The following TRMT44 variants were observed in gnomAD, a reference collection of about 807,000 sequenced individuals.
The protein encoded by TRMT44 is tRNA methyltransferase 44 homolog.
TRMT44 carries 78 observed loss-of-function variants against 77.3 expected under a neutral mutation model. The ratio of observed to expected loss-of-function variants is 1.01; its 90% confidence interval spans 0.84 to 1.22. TRMT44 has a LOEUF of 1.22. Ranked by LOEUF, TRMT44 falls within the 50% of genes most tolerant of loss-of-function variation. The pLI is 0.00. For missense variants in TRMT44, 1,090 were observed against 964.4 expected (o/e 1.13, Z -1.73); for synonymous variants, 391 against 383.3 (o/e 1.02, Z -0.23).
At chr4:8,442,448 G>T (rs1057140009) in intron 1 of TRMT44, among the ~76,000 whole-genome samples, 2 of 152,196 alleles carry the variant, frequency 1.3e-5, no homozygotes, top group African/African-American at 4.8e-5. Context: ...ACTTTATTCA[G>T]CAGCATGTGT....
intron 2 of TRMT44, among the ~76,000 whole-genome samples, chr4:8,486,789 A>G (rs952755671): frequency 3.3e-5 from 5 of 152,172 alleles, no homozygotes; most frequent in Non-Finnish European, 7.3e-5. Flanking sequence ...CTACTCACGG[A>G]ATGAAACTGT....
At chr4:8,458,919 C>T (rs1725980309) in intron 6 of TRMT44, among the ~76,000 whole-genome samples, 1 of 151,928 alleles carries the variant, frequency 6.6e-6, no homozygotes, top group Non-Finnish European at 1.5e-5. Context: ...TATACATGGG[C>T]CAGGTACAGT....
chr4:8,470,748 C>T (rs2109177731), intron 9 of TRMT44, among the ~76,000 whole-genome samples: 1 of 152,300 alleles, frequency 6.6e-6, no homozygotes, highest in South Asian at 2.1e-4. Flanking sequence ...AACCCTGGCT[C>T]CAAACAGCCA....
chr4:8,475,133 C>T lies in TRMT44; in HGVS notation c.2045-639C>T, dbSNP rs150559358. On this transcript the variant is annotated intron_variant, in intron 10 of 10. Transcript: ENST00000389737. Reference sequence around the variant, plus strand: ...GGAGGCGCATGTAAACCCAGTGCACCGGGACGGCACCAAGGAGCAGAGGCT... The same window carrying T: ...GGAGGCGCATGTAAACCCAGTGCACTGGGACGGCACCAAGGAGCAGAGGCT... 2.6e-3 allele frequency among the ~76,000 whole-genome samples: 394 copies of T among 152,326 alleles called. 2 individuals are homozygous for T. The highest frequency in any genetic ancestry group is 2.5e-3 in the East Asian group (13 of 5,172).
intron 2 of TRMT44, among the ~76,000 whole-genome samples, chr4:8,491,959 C>T (rs146577894): frequency 0.038 from 5,741 of 152,348 alleles, 125 homozygotes; most frequent in Non-Finnish European, 0.053. Context: ...ACTGCCAGCA[C>T]GCTGTCACCT....
intron 2 of TRMT44, among the ~76,000 whole-genome samples, chr4:8,492,565 C>G (rs4325994): frequency 0.65 from 99,118 of 152,084 alleles, 33,104 homozygotes; most frequent in African/African-American, 0.81. Flanking sequence ...AAATCACTAA[C>G]CCAAAGCAGA....
At chr4:8,472,674 T>TG (rs1476740156) in intron 10 of TRMT44, among the ~76,000 whole-genome samples, 2 of 151,874 alleles carry the variant, frequency 1.3e-5, no homozygotes, top group African/African-American at 2.4e-5. Flanking sequence ...TGCTGTTGGG[T>TG]GGGGGGCCGG....
At chr4:8,488,891 G>C (rs981960857) in intron 2 of TRMT44, among the ~76,000 whole-genome samples, 1 of 152,230 alleles carries the variant, frequency 6.6e-6, no homozygotes, top group Non-Finnish European at 1.5e-5. Context: ...GTGGTATTTG[G>C]AGGGGGAACC....
chr4:8,457,057 G>A (rs991256413), intron 6 of TRMT44, among the ~76,000 whole-genome samples: 1 of 123,286 alleles, frequency 8.1e-6, no homozygotes, highest in Non-Finnish European at 1.6e-5. Flanking sequence ...ATAAAACATT[G>A]TAAAAAGAAA....
chr4:8,508,289 G>A, the TRMT44 span, among the ~76,000 whole-genome samples: 1 of 152,228 alleles, frequency 6.6e-6, no homozygotes, highest in Non-Finnish European at 1.5e-5. Context: ...GCTGTGGGAG[G>A]GTGAGGAGGG....
At chr4:8,496,128 C>T (rs972632627), downstream of TRMT44, among the ~76,000 whole-genome samples, 5 of 152,206 alleles carry the variant, frequency 3.3e-5, no homozygotes, top group African/African-American at 1.2e-4. Flanking sequence ...GGGAAGCTGT[C>T]ATTTGCATAG....
At chr4:8,469,559 T>C (rs111958495) in intron 9 of TRMT44, among the ~76,000 whole-genome samples, 4 of 152,262 alleles carry the variant, frequency 2.6e-5, no homozygotes, top group African/African-American at 7.2e-5. Context: ...CAGCTGTGCC[T>C]GGGATGGACG....
chr4:8,442,998 C>T (rs1287910998), intron 1 of TRMT44, among the ~76,000 whole-genome samples: 2 of 152,176 alleles, frequency 1.3e-5, no homozygotes, highest in Admixed American at 6.5e-5. Context: ...AGTATATTCA[C>T]GAGTCCTGGG....
chr4:8,453,217 C>T (rs73211394), intron 5 of TRMT44, among the ~76,000 whole-genome samples: 4,105 of 152,254 alleles, frequency 0.027, 105 homozygotes, highest in African/African-American at 0.069. Context: ...CCCCGGGCCC[C>T]GGCATGGACC....
intron 6 of TRMT44, among the ~76,000 whole-genome samples, chr4:8,457,530 A>G (rs921098669): frequency 1.3e-5 from 2 of 152,192 alleles, no homozygotes; most frequent in Non-Finnish European, 2.9e-5. Context: ...TCTAGATCAG[A>G]GAGTTACAAG....
At chr4:8,455,912 G>T (rs1454100014) in intron 6 of TRMT44, among the ~76,000 whole-genome samples, 2 of 152,052 alleles carry the variant, frequency 1.3e-5, no homozygotes, top group African/African-American at 4.8e-5. Flanking sequence ...CAGATGAAAT[G>T]CATAACCTAG....
At chr4:8,486,225 G>T (rs1275383477) in intron 2 of TRMT44, among the ~76,000 whole-genome samples, 1 of 152,226 alleles carries the variant, frequency 6.6e-6, no homozygotes, top group Non-Finnish European at 1.5e-5. Flanking sequence ...CTGGTGGCCA[G>T]ATTTCTGGCA....
chr4:8,441,478 T>TA (rs1371907775), intron 1 of TRMT44, 37 bp downstream of exon 1: 1 of 1,444,888 alleles, frequency 6.9e-7, no homozygotes, highest in East Asian at 2.5e-5. Flanking sequence ...TATGATTAGA[T>TA]AAAAAAGCAT....
In TRMT44 at chr4:8,452,455, T is replaced by C. The variant is rs1423985628; in HGVS notation, c.1023+427T>C. On this transcript the variant is annotated intron_variant, in intron 4 of 10. Transcript: ENST00000389737. The surrounding 1 kb of genome is among the most constrained non-coding windows in gnomAD (Gnocchi z 5.7). ...ATCTATAAGAATGTTTAGAGTAGGC[T>C]GGGTTTGGTGGCTCAAGCCTGTAAT... 6.6e-6 allele frequency among the ~76,000 whole-genome samples: 1 copy of C among 152,236 alleles called. No homozygotes were observed. Among genetic ancestry groups the C allele is most frequent in the East Asian group, 1.9e-4 (1 of 5,194 alleles).
Sources: gnomAD v4.1 joint callset for allele counts (sites outside exome capture counted in the v4.1 genomes callset) on GRCh38, gnomAD v4.1.1 for gene constraint, Gnocchi (gnomAD v3.1) non-coding constraint, MANE v1.5 for transcripts, NCBI Gene and HGNC (gene_info 2026-07-23, HGNC 2026-07-21) for gene names.